The following TDRD3 variants were observed in gnomAD, a reference collection of about 807,000 sequenced individuals.
TDRD3 encodes tudor domain-containing protein 3.
In TDRD3, 45 loss-of-function variants were observed where a neutral mutation model predicts 86.7. That is an observed-to-expected ratio of 0.52 (90% confidence interval 0.41 to 0.67). TDRD3 has a LOEUF of 0.67. Ranked by LOEUF, TDRD3 falls within the 30% of genes least tolerant of loss-of-function variation. TDRD3 has a pLI of 0.00. For missense variants in TDRD3, 814 were observed against 889.0 expected (o/e 0.92, Z 1.07); for synonymous variants, 298 against 301.7 (o/e 0.99, Z 0.13).
At chr13:60,469,782 T>C (rs1232701744) in intron 5 of TDRD3, among the ~76,000 whole-genome samples, 1 of 152,176 alleles carries the variant, frequency 6.6e-6, no homozygotes, top group Admixed American at 6.5e-5. Flanking sequence ...ATTGTAACTG[T>C]AGCAAGTTGG....
chr13:60,529,068 G>A lies in TDRD3; in HGVS notation c.1843G>A (p.Asp615Asn), dbSNP rs771258271. 21 of 1,613,894 alleles carry A rather than the reference G, an allele frequency of 1.3e-5. No homozygotes were observed. The highest frequency in any genetic ancestry group is 1.7e-5 in the Non-Finnish European group (20 of 1,179,948). ...AGGACCTGTCACAGCTGTACCCTGT[G>A]ATGATAAAATATTTTACAATAGTGG... ...PAGPVTAVPCDDKIFYNSGPK... is the reference protein window; with the variant it reads ...PAGPVTAVPCNDKIFYNSGPK... Residue 615 changes from aspartate (D) to asparagine (N), a missense_variant, in exon 11 of 14, where the codon GAT becomes AAT. Coordinates refer to ENST00000377881, the MANE Select transcript of TDRD3 (RefSeq NM_001146070.2).
chr13:60,419,637 C>T (rs546402523), intron 1 of TDRD3, among the ~76,000 whole-genome samples: 3 of 151,164 alleles, frequency 2.0e-5, no homozygotes, highest in South Asian at 4.2e-4. Context: ...GTTGTGGGGG[C>T]GGGGGGCAAA....
intron 12 of TDRD3, chr13:60,535,803 T>A (rs1425806589): frequency 6.6e-6 from 1 of 152,218 alleles, no homozygotes; most frequent in East Asian, 1.9e-4. Context: ...ATAACTTTGA[T>A]GATGTAACTT....
At chr13:60,522,439 T>C (rs955713476) in intron 10 of TDRD3, among the ~76,000 whole-genome samples, 74 of 152,242 alleles carry the variant, frequency 4.9e-4, no homozygotes, top group African/African-American at 1.7e-3. Context: ...TTAATTTTAA[T>C]GCTAATTAAA....
chr13:60,507,996 C>G (rs915134194), intron 8 of TDRD3, among the ~76,000 whole-genome samples: 1 of 152,058 alleles, frequency 6.6e-6, no homozygotes, highest in African/African-American at 2.4e-5. Flanking sequence ...AACAGAGAGC[C>G]AAATCATGAG....
chr13:60,444,614 GT>G, intron 2 of TDRD3, 68 bp from the exon 3 acceptor site: 3 of 905,590 alleles, frequency 3.3e-6, no homozygotes, highest in Non-Finnish European at 4.9e-6. Context: ...TTCATCTTTT[GT>G]TCATGAGGTT....
chr13:60,525,871 A>G (rs1957419025), intron 10 of TDRD3, among the ~76,000 whole-genome samples: 1 of 152,238 alleles, frequency 6.6e-6, no homozygotes, highest in Non-Finnish European at 1.5e-5. Context: ...GATCTGGAAC[A>G]AAGTGAAAAG....
intron 1 of TDRD3, among the ~76,000 whole-genome samples, chr13:60,422,679 A>G (rs1381896561): frequency 6.6e-6 from 1 of 152,132 alleles, no homozygotes; most frequent in East Asian, 1.9e-4. Context: ...ATTACAAGAT[A>G]CCCAAGGGAA....
chr13:60,484,937 A>G (rs749468236), intron 6 of TDRD3, among the ~76,000 whole-genome samples: 15 of 152,144 alleles, frequency 9.9e-5, no homozygotes, highest in Non-Finnish European at 2.2e-4. Flanking sequence ...AGTGTGTTTT[A>G]TAGCTTCTTA....
At chr13:60,530,108 A>G (rs539128994) in intron 11 of TDRD3, among the ~76,000 whole-genome samples, 1 of 152,132 alleles carries the variant, frequency 6.6e-6, no homozygotes, top group African/African-American at 2.4e-5. Context: ...TGCCTTAATT[A>G]CTTTTTAAAA....
intron 3 of TDRD3, among the ~76,000 whole-genome samples, chr13:60,450,783 T>C (rs1955519422): frequency 6.6e-6 from 1 of 152,170 alleles, no homozygotes; most frequent in Non-Finnish European, 1.5e-5. Flanking sequence ...AAATGCTATG[T>C]CAAAGGTGTG....
intron 10 of TDRD3, among the ~76,000 whole-genome samples, chr13:60,524,076 C>T (rs1168708255): frequency 6.6e-6 from 1 of 152,000 alleles, no homozygotes; most frequent in Non-Finnish European, 1.5e-5. Flanking sequence ...CAGACCTGAC[C>T]TGTGCTGTCC....
At position 60,430,051 on chromosome 13, in the gene TDRD3, C is replaced by T. The variant is rs373062918; in HGVS notation, c.42-9637C>T. The stretch of plus-strand genomic sequence containing the variant: ...TCAGTATTTTCAGTACGGTCTTTTT[C>T]GGCAAGGGTAAACTGAGGCACAGAA... On this transcript the variant is annotated intron_variant, in intron 1 of 13. Transcript: ENST00000377881. Among the ~76,000 whole-genome samples the T allele has an allele frequency of 1.6e-3, 237 of 152,144 alleles. 6 individuals are homozygous for T. The highest frequency in any genetic ancestry group is 1.2e-3 in the Admixed American group (18 of 15,278).
chr13:60,569,516 T>C (rs1308698083), intron 13 of TDRD3, among the ~76,000 whole-genome samples: 1 of 152,152 alleles, frequency 6.6e-6, no homozygotes, highest in African/African-American at 2.4e-5. Context: ...AATCTACAGA[T>C]TTAATGAAAT....
intron 12 of TDRD3, among the ~76,000 whole-genome samples, chr13:60,541,095 T>C (rs1168216734): frequency 6.6e-6 from 1 of 152,208 alleles, no homozygotes; most frequent in East Asian, 1.9e-4. Flanking sequence ...ATATTAAATA[T>C]TAGGTTAGCA....
intron 11 of TDRD3, among the ~76,000 whole-genome samples, chr13:60,533,507 A>T (rs191439485): frequency 1.1e-4 from 16 of 151,990 alleles, no homozygotes; most frequent in Non-Finnish European, 1.8e-4. Context: ...CAGGTGTAGT[A>T]GCACGTGCCT....
chr13:60,442,281 A>T (rs1238515481), intron 2 of TDRD3, among the ~76,000 whole-genome samples: 5 of 152,128 alleles, frequency 3.3e-5, no homozygotes, highest in African/African-American at 1.2e-4. Context: ...AAAACAAATT[A>T]TATTTTTATT....
chr13:60,441,150 A>G (rs891215650), intron 2 of TDRD3, among the ~76,000 whole-genome samples: 6 of 152,150 alleles, frequency 3.9e-5, no homozygotes, highest in Non-Finnish European at 8.8e-5. Context: ...CATGTTATTT[A>G]TGACTAAAAA....
intron 12 of TDRD3, among the ~76,000 whole-genome samples, chr13:60,545,466 A>C (rs1448023007): frequency 6.6e-6 from 1 of 152,140 alleles, no homozygotes; most frequent in African/African-American, 2.4e-5. Context: ...ACAAAGCAAG[A>C]TATTAGAAGT....
Sources: allele counts gnomAD v4.1 joint callset (sites outside exome capture counted in the v4.1 genomes callset), GRCh38; gene constraint gnomAD v4.1.1; transcripts MANE v1.5; gene names NCBI Gene and HGNC (gene_info 2026-07-23, HGNC 2026-07-21).